DLGAP1: variants seen among roughly 807,000 people sequenced by gnomAD.
The protein encoded by DLGAP1 is DLG associated protein 1, also known as disks large-associated protein 1.
DLGAP1 carries 11 observed loss-of-function variants against 90.8 expected under a neutral mutation model. The observed-to-expected ratio is 0.12, with a 90% CI of 0.08 to 0.20. The LOEUF is 0.20. Ranked by LOEUF, DLGAP1 falls within the 10% of genes least tolerant of loss-of-function variation. DLGAP1 has a pLI of 1.00. For synonymous variants in DLGAP1, 558 were observed against 540.7 expected (o/e 1.03, Z -0.44); for missense variants, 1,050 against 1,333.8 (o/e 0.79, Z 3.31).
At chr18:3,609,047 G>A (rs1449348479) in intron 7 of DLGAP1, among the ~76,000 whole-genome samples, 3 of 152,072 alleles carry the variant, frequency 2.0e-5, no homozygotes, top group African/African-American at 7.2e-5. Flanking sequence ...TGTTGGCCAT[G>A]TTGGTCTCAA....
At chr18:4,314,898 A>G (rs2080488648) in intron 1 of DLGAP1, among the ~76,000 whole-genome samples, 1 of 152,252 alleles carries the variant, frequency 6.6e-6, no homozygotes, top group South Asian at 2.1e-4. Context: ...GCTGACTTCA[A>G]TAATGTAAAG....
chr18:3,545,273 C>T (rs1210909826), intron 9 of DLGAP1, among the ~76,000 whole-genome samples: 1 of 150,726 alleles, frequency 6.6e-6, no homozygotes, highest in Non-Finnish European at 1.5e-5. Flanking sequence ...AACCCCGTCT[C>T]CAAAACAAAA....
intron 7 of DLGAP1, among the ~76,000 whole-genome samples, chr18:3,583,147 T>A (rs7232641): frequency 9.3e-6 from 1 of 107,894 alleles, no homozygotes; most frequent in Non-Finnish European, 2.0e-5. Flanking sequence ...CTGACCGACC[T>A]ACCTACCTAC....
chr18:4,394,785 T>C (rs773485028), intron 1 of DLGAP1, among the ~76,000 whole-genome samples: 2 of 152,196 alleles, frequency 1.3e-5, no homozygotes, highest in African/African-American at 2.4e-5. Flanking sequence ...CTTATGCCAA[T>C]AGTGATATTT....
chr18:4,017,101 T>C (rs182543907), intron 2 of DLGAP1, among the ~76,000 whole-genome samples: 1 of 152,314 alleles, frequency 6.6e-6, no homozygotes, highest in Admixed American at 6.5e-5. Context: ...AAAGTGACCA[T>C]ATAATCTAAG....
intron 7 of DLGAP1, chr18:3,603,271 G>A (rs1453040957): frequency 6.6e-6 from 1 of 151,986 alleles, no homozygotes; most frequent in African/African-American, 2.4e-5. Context: ...GGTGGAGTGA[G>A]TCAAACCTCA....
chr18:4,330,586 T>C (rs960247349), intron 1 of DLGAP1, among the ~76,000 whole-genome samples: 1 of 151,932 alleles, frequency 6.6e-6, no homozygotes, highest in East Asian at 1.9e-4. Context: ...CAGTTCAAAA[T>C]ATTTTCTAAT....
intron 1 of DLGAP1, among the ~76,000 whole-genome samples, chr18:4,420,388 T>C (rs139186394): frequency 6.8e-5 from 4 of 58,860 alleles, no homozygotes; most frequent in African/African-American, 1.3e-4. Context: ...ATCTTTTCCA[T>C]TGGACATGAA....
intron 2 of DLGAP1, among the ~76,000 whole-genome samples, chr18:4,064,944 A>G (rs779512919): frequency 2.0e-5 from 3 of 152,164 alleles, no homozygotes; most frequent in Non-Finnish European, 2.9e-5. Flanking sequence ...ATACTGAAAA[A>G]TCAAATCTAG....
At chr18:3,924,074 A>G (rs2072326525) in intron 3 of DLGAP1, among the ~76,000 whole-genome samples, 1 of 152,204 alleles carries the variant, frequency 6.6e-6, no homozygotes, top group Non-Finnish European at 1.5e-5. Flanking sequence ...TCTGTTGTTT[A>G]AAAGTGTCAG....
At chr18:3,884,052 G>A (rs768954529) in intron 3 of DLGAP1, among the ~76,000 whole-genome samples, 4 of 152,174 alleles carry the variant, frequency 2.6e-5, no homozygotes, top group East Asian at 1.9e-4. Context: ...AGGAAGAACC[G>A]ATAGGTAAAA....
In DLGAP1 at chr18:3,581,872, T is replaced by C; in HGVS notation, c.1965+3A>G. The stretch of plus-strand genomic sequence containing the variant: ...TTCAAAGGATAGAAAGGGAGGCTGT[T>C]ACCTGTATCCCGATAGACAGGCATC... On this transcript the variant is annotated splice_donor_region_variant and intron_variant, in intron 8 of 12. Transcript: ENST00000315677. The C allele has an allele frequency of 6.2e-7, 1 of 1,613,132 alleles. No homozygotes were observed. Among genetic ancestry groups the C allele is most frequent in the South Asian group, 1.1e-5 (1 of 91,072 alleles).
intron 2 of DLGAP1, among the ~76,000 whole-genome samples, chr18:4,011,802 T>A (rs944118516): frequency 9.9e-5 from 15 of 151,882 alleles, no homozygotes; most frequent in African/African-American, 3.4e-4. Context: ...CCAGCCTGGG[T>A]GAGTTCAGTG....
chr18:4,362,983 A>C (rs1392919582), intron 1 of DLGAP1, among the ~76,000 whole-genome samples: 2 of 152,208 alleles, frequency 1.3e-5, no homozygotes, highest in East Asian at 3.9e-4. Flanking sequence ...CCTTGGCATT[A>C]CTGGAAGCAA....
In DLGAP1 at chr18:4,079,713, T is replaced by TATAA. The variant is rs1491261061; in HGVS notation, c.-159+71466_-159+71467insTTAT. Among the ~76,000 whole-genome samples the TATAA allele has an allele frequency of 3.7e-5, 5 of 134,672 alleles. No individual in the cohort carries two copies. In the East Asian group the frequency reaches 6.2e-4, roughly 17 times the overall value. The allele number at this position is 134,672 out of a possible 152,430, so 88.4% of individuals were successfully genotyped here. A position where few individuals can be genotyped will look rare whatever the true frequency, so the allele number is the denominator to read the frequency against. ...TTAAATATATATATATATATATATA[T>TATAA]AAAAGAAAATCAGTGTGTGTATGTG... On this transcript the variant is annotated intron_variant, in intron 2 of 12. Transcript: ENST00000315677.
chr18:3,812,276 T>G (rs1168038963), intron 5 of DLGAP1, among the ~76,000 whole-genome samples: 1 of 152,190 alleles, frequency 6.6e-6, no homozygotes, highest in Non-Finnish European at 1.5e-5. Flanking sequence ...GTCCACTGCC[T>G]TTCTTACAAA....
intron 2 of DLGAP1, among the ~76,000 whole-genome samples, chr18:4,099,455 G>T (rs188512608): frequency 6.6e-6 from 1 of 152,108 alleles, no homozygotes; most frequent in South Asian, 2.1e-4. Flanking sequence ...TTCCCAATGC[G>T]TGTAAGAGTT....
chr18:4,099,468 G>A (rs1473790908), intron 2 of DLGAP1, among the ~76,000 whole-genome samples: 2 of 152,146 alleles, frequency 1.3e-5, no homozygotes, highest in East Asian at 1.9e-4. Flanking sequence ...TAAGAGTTAT[G>A]TGTACACTGC....
chr18:3,920,371 A>AG (rs1464994664), intron 3 of DLGAP1, among the ~76,000 whole-genome samples: 1 of 151,596 alleles, frequency 6.6e-6, no homozygotes, highest in East Asian at 1.9e-4. Context: ...AAAAAAAAAA[A>AG]AAGCACTGGG....
Sources: allele counts gnomAD v4.1 joint callset (sites outside exome capture counted in the v4.1 genomes callset), GRCh38; gene constraint gnomAD v4.1.1; transcripts MANE v1.5; gene names NCBI Gene and HGNC (gene_info 2026-07-23, HGNC 2026-07-21).